SMG7: variants seen among roughly 807,000 people sequenced by gnomAD.
SMG7 encodes SMG7 nonsense mediated mRNA decay factor, also known as nonsense-mediated mRNA decay factor SMG7.
A neutral mutation model predicts 148.2 loss-of-function variants in SMG7; 34 were observed. The observed-to-expected ratio is 0.23, with a 90% confidence interval of 0.17 to 0.31. The LOEUF (loss-of-function observed/expected upper bound fraction) is 0.31, where lower values mean the gene tolerates loss of function less well. SMG7 is among the 10% of genes least tolerant of loss of function. SMG7 has a pLI of 1.00. For missense variants in SMG7, 1,114 were observed against 1,408.4 expected (o/e 0.79, Z 3.35); for synonymous variants, 492 against 515.1 (o/e 0.96, Z 0.61).
At chr1:183,497,271 C>T (rs550763117) in intron 1 of SMG7, among the ~76,000 whole-genome samples, 1 of 152,308 alleles carries the variant, frequency 6.6e-6, no homozygotes, top group South Asian at 2.1e-4. Context: ...ACTGGAATGG[C>T]TGTGATAGCT....
intron 11 of SMG7, among the ~76,000 whole-genome samples, chr1:183,537,689 T>G (rs908422045): frequency 6.6e-6 from 1 of 152,236 alleles, no homozygotes; most frequent in Non-Finnish European, 1.5e-5. Context: ...TAAAGTTTTG[T>G]GCCTGATTTT....
intron 1 of SMG7, among the ~76,000 whole-genome samples, chr1:183,497,199 A>C (rs1553236520): frequency 6.6e-6 from 1 of 152,246 alleles, no homozygotes; most frequent in Non-Finnish European, 1.5e-5. Context: ...CAGACTATCT[A>C]GATCAAGTTA....
At chr1:183,487,174 T>G (rs1655660840) in intron 1 of SMG7, among the ~76,000 whole-genome samples, 1 of 152,148 alleles carries the variant, frequency 6.6e-6, no homozygotes, top group South Asian at 2.1e-4. Context: ...CAGGCTAAAG[T>G]CAAGGTGCCA....
chr1:183,477,935 T>C (rs1352113487), intron 1 of SMG7, among the ~76,000 whole-genome samples: 1 of 152,184 alleles, frequency 6.6e-6, no homozygotes, highest in Non-Finnish European at 1.5e-5. Context: ...AGGGTTGTTT[T>C]CTAAGCCAGC....
In SMG7 at chr1:183,541,173, C is replaced by T. The variant is rs1036923434; in HGVS notation, c.1415+70C>T. The T allele has an allele frequency of 1.1e-4, 144 of 1,338,284 alleles. 1 individual carries two copies. Among genetic ancestry groups the T allele is most frequent in the Admixed American group, 2.8e-4 (15 of 52,662 alleles). The allele number at this position is 1,338,284 out of a possible 1,614,324, so 82.9% of individuals were successfully genotyped here. ...AGATAAACACATGCGCGCACACGCG[C>T]GCGCACACACACACATCTCATATGT... On this transcript the variant is annotated intron_variant, in intron 13 of 22. Coordinates refer to ENST00000688051, the MANE Select transcript of SMG7 (RefSeq NM_001375584.1).
At chr1:183,478,207 A>G (rs917596156) in intron 1 of SMG7, among the ~76,000 whole-genome samples, 1 of 152,106 alleles carries the variant, frequency 6.6e-6, no homozygotes, top group Non-Finnish European at 1.5e-5. Context: ...AAGCTTCTAG[A>G]AGTCTTAGAG....
At chr1:183,520,449 T>G (rs1664513616) in intron 4 of SMG7, among the ~76,000 whole-genome samples, 1 of 152,184 alleles carries the variant, frequency 6.6e-6, no homozygotes, top group African/African-American at 2.4e-5. Context: ...TCTATAACAT[T>G]CTGGTTGCTT....
chr1:183,553,005 G>A lies in SMG7; in HGVS notation c.*1074G>A, dbSNP rs1363740494. ...CAACAGCATGGGGTCCAGCAGTTGG[G>A]GCCCAAAAGACAGTCTGAAGAGGAA... On this transcript the variant is annotated 3_prime_UTR_variant, in exon 23 of 23. Transcript: ENST00000688051. The A allele has an allele frequency of 1.0e-5, 16 of 1,536,282 alleles. No homozygotes were observed. The highest frequency in any genetic ancestry group is 3.3e-4 in the Middle Eastern group (2 of 5,986).
intron 1 of SMG7, among the ~76,000 whole-genome samples, chr1:183,502,954 G>A (rs1367230328): frequency 6.6e-6 from 1 of 152,200 alleles, no homozygotes; most frequent in Non-Finnish European, 1.5e-5. Flanking sequence ...TCTCAAAGAT[G>A]CAGCTTTTAA....
At chr1:183,491,058 A>G (rs917553972) in intron 1 of SMG7, among the ~76,000 whole-genome samples, 4 of 152,230 alleles carry the variant, frequency 2.6e-5, no homozygotes, top group African/African-American at 7.2e-5. Flanking sequence ...GTGAGCTGCC[A>G]TGCCTGGCCT....
chr1:183,515,047 G>A (rs1202503714), intron 2 of SMG7, among the ~76,000 whole-genome samples: 2 of 152,170 alleles, frequency 1.3e-5, no homozygotes, highest in Admixed American at 6.5e-5. Flanking sequence ...GGAGTTTACT[G>A]TCAGTTATTG....
chr1:183,530,826 G>T (rs554632888), intron 8 of SMG7, among the ~76,000 whole-genome samples: 1 of 152,166 alleles, frequency 6.6e-6, no homozygotes, highest in South Asian at 2.1e-4. Flanking sequence ...ATTGCTTCCA[G>T]CTCTGGTTCT....
chr1:183,487,500 T>C (rs543268884), intron 1 of SMG7, among the ~76,000 whole-genome samples: 2 of 152,332 alleles, frequency 1.3e-5, no homozygotes, highest in African/African-American at 4.8e-5. Flanking sequence ...TGGACATCTC[T>C]AAGGAGCCAT....
At chr1:183,526,559 G>T (rs1413630624) in intron 4 of SMG7, 37 bp from the exon 5 acceptor site, 2 of 1,447,886 alleles carry the variant, frequency 1.4e-6, no homozygotes, top group Non-Finnish European at 1.9e-6. Context: ...TAGAGCACTT[G>T]TGACTTACTA....
intron 1 of SMG7, among the ~76,000 whole-genome samples, chr1:183,485,375 A>C (rs980483488): frequency 1.3e-5 from 2 of 152,184 alleles, no homozygotes; most frequent in African/African-American, 2.4e-5. Flanking sequence ...TTCTTTGTAG[A>C]TAATAAGCGG....
At position 183,512,848 on chromosome 1, in the gene SMG7, T is replaced by C; in HGVS notation, c.41T>C (p.Val14Ala). The change falls in exon 2 of 23, where the codon GTC (valine) becomes GCC (alanine). Residue 14 changes from valine (V) to alanine (A), a missense_variant. Physicochemically the swap from Val to Ala is moderately conservative, Grantham distance 64 (BLOSUM62 0). Coordinates refer to ENST00000688051, the MANE Select transcript of SMG7 (RefSeq NM_001375584.1). ...QSAQYLRQAE[V>A]LKADMTDSKL... ...TTTTTTCTATCTAGGCAGGCAGAAG[T>C]CCTGAAGGCTGACATGACAGGTATT... is the stretch of plus-strand genomic sequence containing the variant. 1 of 1,560,988 alleles carries C rather than the reference T, an allele frequency of 6.4e-7. No individual in the cohort carries two copies. The highest frequency in any genetic ancestry group is 8.7e-7 in the Non-Finnish European group (1 of 1,149,112).
chr1:183,550,723 T>C, intron 20 of SMG7, 28 bp from the exon 21 acceptor site: 1 of 1,608,968 alleles, frequency 6.2e-7, no homozygotes, highest in Non-Finnish European at 8.5e-7. Flanking sequence ...AATGATTTAC[T>C]ATATCCTGTG....
chr1:183,493,827 G>A (rs944906984), intron 1 of SMG7, among the ~76,000 whole-genome samples: 5 of 152,010 alleles, frequency 3.3e-5, no homozygotes, highest in East Asian at 3.9e-4. Flanking sequence ...TGATCTGCCC[G>A]CCCTGGCCTC....
intron 1 of SMG7, among the ~76,000 whole-genome samples, chr1:183,481,253 C>A (rs563365961): frequency 6.6e-6 from 1 of 152,292 alleles, no homozygotes; most frequent in African/African-American, 2.4e-5. Flanking sequence ...ATATGCATTC[C>A]TGCTTAAATC....
Sources: gnomAD v4.1 joint callset for allele counts (sites outside exome capture counted in the v4.1 genomes callset) on GRCh38, gnomAD v4.1.1 for gene constraint, MANE v1.5 for transcripts, NCBI Gene and HGNC (gene_info 2026-07-23, HGNC 2026-07-21) for gene names.